COL14A1: variants seen among roughly 807,000 people sequenced by gnomAD.
COL14A1 encodes the protein collagen alpha-1(XIV) chain.
In COL14A1, 136 loss-of-function variants were observed where a neutral mutation model predicts 230.3. The observed-to-expected ratio is 0.59, with a 90% CI of 0.51 to 0.68. The LOEUF is 0.68. COL14A1 is among the 30% of genes least tolerant of loss of function. The probability of loss-of-function intolerance (pLI) is 0.00; values close to 1 mark genes in which losing one functional copy is unlikely to be tolerated. For synonymous variants in COL14A1, 792 were observed against 784.1 expected, an observed-to-expected ratio of 1.01 and a Z score of -0.17; for missense variants, 1,976 against 2,215.8, an observed-to-expected ratio of 0.89 and a Z score of 2.17.
intron 14 of COL14A1, among the ~76,000 whole-genome samples, chr8:120,224,314 C>T (rs1421114371): frequency 6.6e-6 from 1 of 151,954 alleles, no homozygotes; most frequent in Non-Finnish European, 1.5e-5. Flanking sequence ...GGCGTGTAAT[C>T]GTGTAGCACA....
At chr8:120,162,670 C>T (rs918121634) in intron 4 of COL14A1, 101 bp downstream of exon 4, 4 of 1,092,976 alleles carry the variant, frequency 3.7e-6, no homozygotes, top group Non-Finnish European at 5.0e-6. Context: ...CTAGATTTTT[C>T]AGATTTATAG....
Position 120,358,379 on chromosome 8 carries a change from A to G in COL14A1, c.5078-8792A>G, listed in dbSNP as rs1823059047. Among the ~76,000 whole-genome samples the G allele has an allele frequency of 4.6e-5, 7 of 152,146 alleles. No individual in the cohort carries two copies. In the South Asian group the frequency reaches 1.5e-3, roughly 32 times the overall value. Reference sequence around the variant, plus strand: ...GTACATTTTTCTTTTATTCCTCATAATACATGAAATACAATAGTTATTTCA... The same window carrying G: ...GTACATTTTTCTTTTATTCCTCATAGTACATGAAATACAATAGTTATTTCA... On this transcript the variant is annotated intron_variant, in intron 45 of 47. Coordinates refer to ENST00000297848, the MANE Select transcript of COL14A1 (RefSeq NM_021110.4).
chr8:120,284,112 A>G (rs919740378), intron 32 of COL14A1, among the ~76,000 whole-genome samples: 1 of 152,162 alleles, frequency 6.6e-6, no homozygotes, highest in Admixed American at 6.5e-5. Context: ...ACCACAGTTC[A>G]TTTTTTGGAC....
intron 5 of COL14A1, among the ~76,000 whole-genome samples, chr8:120,180,137 T>A (rs1204432608): frequency 6.6e-6 from 1 of 152,304 alleles, no homozygotes; most frequent in East Asian, 1.9e-4. Flanking sequence ...AAAAGTGATA[T>A]TAATTGACTT....
intron 28 of COL14A1, 85 bp from the exon 29 acceptor site, chr8:120,279,850 T>C: frequency 6.9e-7 from 1 of 1,452,212 alleles, no homozygotes; most frequent in Non-Finnish European, 9.3e-7. Context: ...AAACATATTT[T>C]AAACAGTTGG....
In COL14A1 at chr8:120,370,574, A is replaced by G; in HGVS notation, c.5312-578A>G. ...GATGGAGTGATAACATCGGAACTTA[A>G]CCAAATCATATATGTCTATTTTAAT... On this transcript the variant is annotated intron_variant, in intron 47 of 47. Transcript: ENST00000297848. The G allele has an allele frequency of 4.1e-6, 6 of 1,456,926 alleles. No homozygotes were observed. The Middle Eastern group carries it at 9.1e-4, about 221-fold the overall frequency. The allele number at this position is 1,456,926 out of a possible 1,614,324, so 90.2% of individuals were successfully genotyped here.
At chr8:120,240,218 G>C (rs1462716234) in intron 19 of COL14A1, among the ~76,000 whole-genome samples, 1 of 151,354 alleles carries the variant, frequency 6.6e-6, no homozygotes, top group Non-Finnish European at 1.5e-5. Flanking sequence ...TTGCCTTACA[G>C]AAGAACCTAC....
At chr8:120,370,906 A>G in intron 47 of COL14A1, 1 of 1,205,834 alleles carries the variant, frequency 8.3e-7, no homozygotes, top group Non-Finnish European at 1.1e-6. Flanking sequence ...TAAATAAAAC[A>G]TAATATTTAA....
intron 35 of COL14A1, among the ~76,000 whole-genome samples, 179 bp downstream of exon 35, chr8:120,297,767 A>G (rs1165327022): frequency 1.3e-5 from 2 of 152,072 alleles, no homozygotes; most frequent in Non-Finnish European, 2.9e-5. Context: ...ACCTAGGATC[A>G]CATACAGCGT....
At chr8:120,320,820 A>G (rs1821413210) in intron 40 of COL14A1, among the ~76,000 whole-genome samples, 2 of 152,204 alleles carry the variant, frequency 1.3e-5, no homozygotes, top group Admixed American at 6.5e-5. Context: ...AGATTATTTG[A>G]TAAAAATAGC....
chr8:120,240,143 T>C (rs1449017259), intron 19 of COL14A1, among the ~76,000 whole-genome samples: 1 of 151,312 alleles, frequency 6.6e-6, no homozygotes, highest in Non-Finnish European at 1.5e-5. Flanking sequence ...AAACGAAAAA[T>C]ATTGATAAAT....
rs111712343 is a variant in COL14A1 at position 120,250,953 on chromosome 8, A to G, written c.2752+187A>G. Among the ~76,000 whole-genome samples, 732 of 152,292 alleles carry G rather than the reference A, an allele frequency of 4.8e-3. 1 individual carries two copies. Among genetic ancestry groups the G allele is most frequent in the Non-Finnish European group, 8.3e-3 (567 of 68,028 alleles). ...CTCTCGAGTAGCTGGGATTACAGGC[A>G]CAAGACACCATGCCCAGTTAATTTT... On this transcript the variant is annotated intron_variant, in intron 22 of 47. Transcript: ENST00000297848.
intron 5 of COL14A1, among the ~76,000 whole-genome samples, chr8:120,195,277 G>T (rs1026831966): frequency 6.6e-6 from 1 of 151,852 alleles, no homozygotes; most frequent in East Asian, 1.9e-4. Flanking sequence ...TATTCAACTT[G>T]TTTATGAATA....
chr8:120,246,216 C>T (rs1048263911), intron 20 of COL14A1, among the ~76,000 whole-genome samples: 1 of 152,108 alleles, frequency 6.6e-6, no homozygotes, highest in Non-Finnish European at 1.5e-5. Flanking sequence ...GGCATCTCTC[C>T]CTCCTCCCGT....
chr8:120,175,368 A>G (rs1173252033), intron 5 of COL14A1, among the ~76,000 whole-genome samples: 3 of 152,212 alleles, frequency 2.0e-5, no homozygotes, highest in Non-Finnish European at 4.4e-5. Flanking sequence ...ACTGATAGGA[A>G]AAACAGCATA....
At chr8:120,226,501 T>C (rs892324896) in intron 15 of COL14A1, 126 bp from the exon 16 acceptor site, 1 of 935,190 alleles carries the variant, frequency 1.1e-6, no homozygotes, top group East Asian at 2.6e-5. Context: ...CCAGTTTTCC[T>C]TCTTTCCTGT....
intron 10 of COL14A1, 31 bp downstream of exon 10, chr8:120,207,125 C>A (rs1419944800): frequency 1.8e-5 from 29 of 1,573,856 alleles, no homozygotes; most frequent in Non-Finnish European, 2.3e-5. Flanking sequence ...TCAAACCATT[C>A]TTTTTATTCT....
intron 20 of COL14A1, among the ~76,000 whole-genome samples, chr8:120,244,316 A>C (rs566641361): frequency 6.6e-6 from 1 of 151,992 alleles, no homozygotes; most frequent in Non-Finnish European, 1.5e-5. Context: ...TGCATGCCTG[A>C]TCTCTCTTCA....
Position 120,278,181 on chromosome 8 carries a change from C to T in COL14A1, c.3284C>T (p.Thr1095Ile). 6.2e-7 allele frequency: 1 copy of T among 1,612,002 alleles called. No individual in the cohort carries two copies. The highest frequency in any genetic ancestry group is 8.5e-7 in the Non-Finnish European group (1 of 1,178,962). ...FKLNAYKTKE[T>I]LLDAIKHISY... ...CTAAATGCTTACAAAACCAAAGAGA[C>T]TCTTCTTGATGCAATTAAACACATT... The change falls in exon 27 of 48, where the codon ACT (threonine) becomes ATT (isoleucine). Residue 1095 changes from threonine to isoleucine, a missense_variant. By Grantham distance (89) the Thr-to-Ile change is moderately conservative. This residue lies in a region of COL14A1 where 1,791 missense variants were observed against 2,019.5 expected (regional missense o/e 0.89). Coordinates refer to ENST00000297848, the MANE Select transcript of COL14A1 (RefSeq NM_021110.4).
Sources: gnomAD v4.1 joint callset for allele counts (sites outside exome capture counted in the v4.1 genomes callset) on GRCh38, gnomAD v4.1.1 for gene constraint, gnomAD v4.1.1 regional missense constraint, MANE v1.5 for transcripts, NCBI Gene and HGNC (gene_info 2026-07-23, HGNC 2026-07-21) for gene names.